Variants in GRIP1 observed in about 807,000 individuals in gnomAD.
The protein encoded by GRIP1 is glutamate receptor interacting protein 1, also known as glutamate receptor-interacting protein 1.
In GRIP1, 45 loss-of-function variants were observed where a neutral mutation model predicts 129.9. The observed-to-expected ratio is 0.35, with a 90% CI of 0.27 to 0.44. GRIP1 has a LOEUF of 0.44. Ranked by LOEUF, GRIP1 falls within the 20% of genes least tolerant of loss-of-function variation. GRIP1 has a pLI of 1.00. For missense variants in GRIP1, 1,196 were observed against 1,396.8 expected (o/e 0.86, Z 2.29); for synonymous variants, 530 against 520.8 (o/e 1.02, Z -0.24).
intron 1 of GRIP1, among the ~76,000 whole-genome samples, chr12:67,058,874 A>G (rs2043481953): frequency 6.6e-6 from 1 of 152,208 alleles, no homozygotes; most frequent in Non-Finnish European, 1.5e-5. Context: ...CACTTCAGAT[A>G]GGGAACAGCA....
chr12:66,728,356 A>G (rs1039902662), intron 1 of GRIP1, among the ~76,000 whole-genome samples: 3 of 152,172 alleles, frequency 2.0e-5, no homozygotes, highest in African/African-American at 7.2e-5. Flanking sequence ...GCTCATCACA[A>G]TGCCACAGGC....
At chr12:66,751,220 T>C (rs1476931881) in intron 1 of GRIP1, among the ~76,000 whole-genome samples, 3 of 152,146 alleles carry the variant, frequency 2.0e-5, no homozygotes, top group African/African-American at 7.2e-5. Context: ...TCATTGAACA[T>C]TGTATCTCCA....
intron 1 of GRIP1, among the ~76,000 whole-genome samples, chr12:67,066,571 C>G (rs1314554266): frequency 1.3e-5 from 2 of 151,954 alleles, no homozygotes; most frequent in East Asian, 1.9e-4. Flanking sequence ...GTAAGATATT[C>G]GAAATTGACC....
intron 1 of GRIP1, among the ~76,000 whole-genome samples, chr12:66,697,692 T>C (rs2035211083): frequency 6.6e-6 from 1 of 152,200 alleles, no homozygotes; most frequent in Non-Finnish European, 1.5e-5. Flanking sequence ...TGATGCCTCT[T>C]TCTCTGTCCA....
chr12:67,001,666 G>A lies in GRIP1; in HGVS notation c.58+67384C>T, dbSNP rs377292027. Among the ~76,000 whole-genome samples, 7 of 152,096 alleles carry A rather than the reference G, an allele frequency of 4.6e-5. No individual in the cohort carries two copies. In the East Asian group the frequency reaches 1.4e-3, roughly 29 times the overall value. On this transcript the variant is annotated intron_variant, in intron 1 of 1. Transcript: ENST00000643019. ...CCCTACATGGTAACTAGAGATTGGA[G>A]CTAAACAGCAGCTGTCACAGGATGG...
intron 1 of GRIP1, among the ~76,000 whole-genome samples, chr12:66,796,835 CAAT>C (rs1375551585): frequency 2.6e-5 from 4 of 152,082 alleles, no homozygotes; most frequent in Non-Finnish European, 4.4e-5. Flanking sequence ...TTATTATTTA[CAAT>C]ATTATTAATT....
intron 13 of GRIP1, among the ~76,000 whole-genome samples, chr12:66,440,792 T>G (rs966241350): frequency 2.0e-5 from 3 of 152,202 alleles, no homozygotes; most frequent in African/African-American, 7.2e-5. Context: ...CACTATCTGT[T>G]GTCTCTTCTT....
intron 1 of GRIP1, among the ~76,000 whole-genome samples, chr12:66,756,511 C>G (rs1165472640): frequency 6.6e-6 from 1 of 152,108 alleles, no homozygotes; most frequent in Non-Finnish European, 1.5e-5. Context: ...AAACTTGTAT[C>G]ATGTAATAAT....
chr12:66,802,731 C>G (rs914854924), intron 1 of GRIP1, among the ~76,000 whole-genome samples: 10 of 152,116 alleles, frequency 6.6e-5, no homozygotes, highest in Non-Finnish European at 1.5e-4. Flanking sequence ...TTCATAAGCT[C>G]CTTTTATTCA....
chr12:66,436,209 C>T (rs927570564), intron 13 of GRIP1, among the ~76,000 whole-genome samples: 1 of 151,980 alleles, frequency 6.6e-6, no homozygotes, highest in Non-Finnish European at 1.5e-5. Flanking sequence ...GCTTTTCTGC[C>T]TGAAGCATTC....
intron 13 of GRIP1, among the ~76,000 whole-genome samples, chr12:66,436,635 C>T (rs2058313356): frequency 1.3e-5 from 2 of 152,066 alleles, no homozygotes; most frequent in Non-Finnish European, 2.9e-5. Context: ...TTACTTAAAA[C>T]AATTTCATTA....
intron 1 of GRIP1, among the ~76,000 whole-genome samples, chr12:66,725,487 CATAAA>C (rs1474793920): frequency 6.6e-6 from 1 of 151,954 alleles, no homozygotes; most frequent in Non-Finnish European, 1.5e-5. Context: ...TATACATATA[CATAAA>C]ATAAGTAGGT....
intron 23 of GRIP1, among the ~76,000 whole-genome samples, chr12:66,368,724 G>A (rs903233289): frequency 6.6e-6 from 1 of 152,214 alleles, no homozygotes; most frequent in African/African-American, 2.4e-5. Flanking sequence ...GGGGAAGAGA[G>A]CTCCATTCCT....
intron 2 of GRIP1, among the ~76,000 whole-genome samples, chr12:66,554,612 T>TGG: frequency 6.6e-6 from 1 of 152,234 alleles, no homozygotes; most frequent in African/African-American, 2.4e-5. Flanking sequence ...TTCCAGGCCT[T>TGG]GGCTCATGAA....
At chr12:66,975,846 T>C (rs986652022) in intron 1 of GRIP1, among the ~76,000 whole-genome samples, 2 of 152,188 alleles carry the variant, frequency 1.3e-5, no homozygotes, top group Non-Finnish European at 2.9e-5. Flanking sequence ...AATGATACAT[T>C]CTGAGGCAGT....
chr12:67,034,599 G>C (rs2135789166), intron 1 of GRIP1, among the ~76,000 whole-genome samples: 1 of 152,352 alleles, frequency 6.6e-6, no homozygotes, highest in African/African-American at 2.4e-5. Context: ...GTGCTTGCAG[G>C]ACGGGGCCTT....
intron 2 of GRIP1, among the ~76,000 whole-genome samples, chr12:66,544,698 C>T (rs945272754): frequency 1.3e-5 from 2 of 152,020 alleles, no homozygotes; most frequent in African/African-American, 2.4e-5. Context: ...ATCTCTGGTC[C>T]CAGAAGAATT....
intron 1 of GRIP1, among the ~76,000 whole-genome samples, chr12:66,640,704 A>G (rs2031843742): frequency 6.6e-6 from 1 of 152,206 alleles, no homozygotes; most frequent in Non-Finnish European, 1.5e-5. Flanking sequence ...ACACACAAGC[A>G]TAAAAAAACT....
rs2060649164 is a variant in GRIP1, at chr12:66,509,983, C to G, written c.724+5636G>C. Among the ~76,000 whole-genome samples the G allele has an allele frequency of 4.0e-5, 6 of 150,932 alleles. No individual in the cohort carries two copies. In the Admixed American group the frequency reaches 4.0e-4, roughly 10 times the overall value. Reference sequence around the variant, plus strand: ...AGAAGAAAAAAAAAAGATGCTCATGCTTTCCTTATACTTTTATGTTACTTT... The same window carrying G: ...AGAAGAAAAAAAAAAGATGCTCATGGTTTCCTTATACTTTTATGTTACTTT... On this transcript the variant is annotated intron_variant, in intron 7 of 24. Coordinates refer to ENST00000359742, the MANE Select transcript of GRIP1 (RefSeq NM_001366722.1).
Sources: gnomAD v4.1 joint callset for allele counts (sites outside exome capture counted in the v4.1 genomes callset) on GRCh38, gnomAD v4.1.1 for gene constraint, MANE v1.5 for transcripts, NCBI Gene and HGNC (gene_info 2026-07-23, HGNC 2026-07-21) for gene names.